NREP: variants seen among roughly 807,000 people sequenced by gnomAD.
NREP encodes the protein neuronal regeneration related protein, also known as neuronal regeneration-related protein.
NREP carries 5 observed loss-of-function variants against 8.6 expected under a neutral mutation model. That is an observed-to-expected ratio of 0.58 (90% CI 0.30 to 1.22). NREP has a LOEUF of 1.22. Ranked by LOEUF, NREP falls within the 50% of genes most tolerant of loss-of-function variation. The pLI is 0.07. For synonymous variants in NREP, 27 were observed against 28.0 expected, an observed-to-expected ratio of 0.96 and a Z score of 0.11; for missense variants, 86 against 82.5, an observed-to-expected ratio of 1.04 and a Z score of -0.17.
chr5:111,739,049 G>T lies in NREP; in HGVS notation c.4-3542C>A, dbSNP rs255898. ...TTGTTAGAAAATAAATTTCTGTTGT[G>T]TAAGCTGCCCAGTCTGTGGCACTTT... On this transcript the variant is annotated intron_variant, in intron 2 of 3. Coordinates refer to ENST00000257435, the MANE Select transcript of NREP (RefSeq NM_004772.4). The T allele has an allele frequency of 0.63, 95,893 of 152,062 alleles. 33,402 individuals carry two copies. The highest frequency in any genetic ancestry group is 0.78 in the Non-Finnish European group (52,755 of 67,996). 9.4% of individuals were successfully genotyped at this position (152,062 alleles called of 1,614,324 possible).
At chr5:111,785,951 C>T (rs567306273) in intron 2 of NREP, among the ~76,000 whole-genome samples, 2 of 152,134 alleles carry the variant, frequency 1.3e-5, no homozygotes, top group South Asian at 2.1e-4. Flanking sequence ...AGAGCAGGAT[C>T]TGGAAAGAAA....
chr5:111,950,197 T>C (rs963419992), intron 2 of NREP, among the ~76,000 whole-genome samples: 1 of 151,988 alleles, frequency 6.6e-6, no homozygotes, highest in Non-Finnish European at 1.5e-5. Context: ...GACAGATATA[T>C]AGACCAATGG....
chr5:111,812,061 G>T (rs1752282532), intron 2 of NREP, among the ~76,000 whole-genome samples: 1 of 152,136 alleles, frequency 6.6e-6, no homozygotes, highest in South Asian at 2.1e-4. Flanking sequence ...GCCGAGGCAG[G>T]TGGATCACCT....
At chr5:111,758,283 G>C (rs140594578), upstream of NREP, 2 of 983,762 alleles carry the variant, frequency 2.0e-6, no homozygotes, top group Non-Finnish European at 1.2e-6. Flanking sequence ...TGGCGTGATC[G>C]GCCCAAGACA....
At chr5:111,816,585 T>C (rs555475540) in intron 2 of NREP, among the ~76,000 whole-genome samples, 109 of 152,068 alleles carry the variant, frequency 7.2e-4, no homozygotes, top group African/African-American at 2.5e-3. Flanking sequence ...ATACTAAGGG[T>C]ATATATAATA....
chr5:111,835,299 C>CT (rs931218208), intron 2 of NREP, among the ~76,000 whole-genome samples: 3 of 151,992 alleles, frequency 2.0e-5, no homozygotes, highest in Admixed American at 6.6e-5. Flanking sequence ...ATTCATTTGT[C>CT]TATTTGAGTA....
chr5:111,849,057 T>C (rs553002299), intron 2 of NREP, among the ~76,000 whole-genome samples: 3 of 152,312 alleles, frequency 2.0e-5, no homozygotes, highest in South Asian at 2.1e-4. Flanking sequence ...AATGAGCTGA[T>C]AGTTTTGTGG....
At chr5:111,826,047 G>C (rs764711582) in intron 2 of NREP, among the ~76,000 whole-genome samples, 6 of 151,426 alleles carry the variant, frequency 4.0e-5, no homozygotes, top group Admixed American at 3.3e-4. Flanking sequence ...TCCGCCTACC[G>C]TGTTCAAGCG....
At chr5:111,849,428 C>A (rs1187467330) in intron 2 of NREP, among the ~76,000 whole-genome samples, 1 of 152,054 alleles carries the variant, frequency 6.6e-6, no homozygotes, top group Non-Finnish European at 1.5e-5. Flanking sequence ...CTTATGAGAT[C>A]TTAGCTATGT....
At chr5:111,738,944 G>T (rs1204237498) in intron 2 of NREP, 1 of 152,232 alleles carries the variant, frequency 6.6e-6, no homozygotes, top group East Asian at 1.9e-4. Context: ...GGAGAAGACA[G>T]CCATCTACAA....
chr5:111,851,487 AAGAG>A (rs757807450), intron 2 of NREP, among the ~76,000 whole-genome samples: 14 of 152,142 alleles, frequency 9.2e-5, no homozygotes, highest in Admixed American at 3.3e-4. Flanking sequence ...TAAAGAGAGA[AAGAG>A]AGAGAGAGAC....
chr5:111,756,541 GTTA>G (rs1444436337), intron 1 of NREP, among the ~76,000 whole-genome samples: 1 of 152,066 alleles, frequency 6.6e-6, no homozygotes, highest in Non-Finnish European at 1.5e-5. Context: ...TTCCTATAAT[GTTA>G]TTATAGATAC....
intron 2 of NREP, among the ~76,000 whole-genome samples, chr5:111,798,483 G>A (rs935069810): frequency 2.0e-5 from 3 of 152,060 alleles, no homozygotes; most frequent in African/African-American, 7.3e-5. Flanking sequence ...AGTGTACACT[G>A]TATCCAGTGC....
chr5:111,838,875 G>A (rs1226287139), intron 2 of NREP, among the ~76,000 whole-genome samples: 6 of 151,938 alleles, frequency 3.9e-5, no homozygotes, highest in African/African-American at 1.4e-4. Context: ...ACACAGATGA[G>A]CTCTAAAGGA....
At chr5:111,825,835 T>C (rs1752609873) in intron 2 of NREP, among the ~76,000 whole-genome samples, 1 of 152,194 alleles carries the variant, frequency 6.6e-6, no homozygotes. Context: ...AGGCCATAGC[T>C]TAAAGTTTCT....
intron 2 of NREP, among the ~76,000 whole-genome samples, chr5:111,946,386 A>G (rs2112625857): frequency 6.6e-6 from 1 of 152,192 alleles, no homozygotes; most frequent in South Asian, 2.1e-4. Flanking sequence ...GTTAATCTAT[A>G]CATGTATGAA....
At chr5:111,954,358 A>T (rs1756250770) in intron 2 of NREP, among the ~76,000 whole-genome samples, 1 of 152,168 alleles carries the variant, frequency 6.6e-6, no homozygotes, top group African/African-American at 2.4e-5. Context: ...TAATTATGTT[A>T]ATAGGAAAAG....
intron 2 of NREP, among the ~76,000 whole-genome samples, chr5:111,841,438 C>T (rs1478750869): frequency 6.6e-6 from 1 of 152,062 alleles, no homozygotes; most frequent in Non-Finnish European, 1.5e-5. Context: ...TAAGTTATAC[C>T]TTTAGAAAGC....
rs1750766071 is a variant in NREP at position 111,757,141 on chromosome 5, A to G, written c.-64T>C. ...TAGGAATGGCATATACTTACAGACA[A>G]AAGCCCCGCTCCCTGTTCACTCTCT... is the stretch of plus-strand genomic sequence containing the variant. On this transcript the variant is annotated 5_prime_UTR_variant, in exon 1 of 4. Coordinates refer to ENST00000257435, the MANE Select transcript of NREP (RefSeq NM_004772.4). 2 of 970,284 alleles carry G rather than the reference A, an allele frequency of 2.1e-6. No individual in the cohort carries two copies. The highest frequency in any genetic ancestry group is 2.4e-6 in the Non-Finnish European group (2 of 816,830). The allele number at this position is 970,284 out of a possible 1,614,324, so 60.1% of individuals were successfully genotyped here.
Sources: allele counts gnomAD v4.1 joint callset (sites outside exome capture counted in the v4.1 genomes callset), GRCh38; gene constraint gnomAD v4.1.1; transcripts MANE v1.5; gene names NCBI Gene and HGNC (gene_info 2026-07-23, HGNC 2026-07-21).